Variants in SORL1 observed in about 807,000 individuals in gnomAD.
The protein encoded by SORL1 is sortilin related receptor 1.
SORL1 carries 127 observed loss-of-function variants against 273.7 expected under a neutral mutation model. The observed-to-expected ratio is 0.46, with a 90% CI of 0.40 to 0.54. The LOEUF (loss-of-function observed/expected upper bound fraction) is 0.54. Among genes scored for constraint, SORL1 ranks in the 20% least tolerant of loss-of-function variants. The pLI is 0.00. For synonymous variants in SORL1, 1,031 were observed against 1,067.4 expected, an observed-to-expected ratio of 0.97 and a Z score of 0.66; for missense variants, 2,494 against 2,846.1, an observed-to-expected ratio of 0.88 and a Z score of 2.81.
chr11:121,520,520 G>A (rs1862023787), intron 8 of SORL1, 137 bp from the exon 9 acceptor site: 1 of 558,936 alleles, frequency 1.8e-6, no homozygotes, highest in Non-Finnish European at 3.1e-6. Context: ...GAACTAGATA[G>A]TAATGATAGT....
chr11:121,457,254 G>A (rs1347251181), intron 1 of SORL1, among the ~76,000 whole-genome samples: 7 of 152,116 alleles, frequency 4.6e-5, no homozygotes, highest in Admixed American at 3.9e-4. Context: ...GTAAGGAGGC[G>A]GAATTTGGAG....
At chr11:121,543,335 G>A (rs1862375889) in intron 12 of SORL1, among the ~76,000 whole-genome samples, 1 of 151,242 alleles carries the variant, frequency 6.6e-6, no homozygotes, top group Admixed American at 6.6e-5. Context: ...TCCTAAATTC[G>A]GCCAGTTGGA....
intron 6 of SORL1, among the ~76,000 whole-genome samples, chr11:121,505,343 G>T (rs1861772304): frequency 6.6e-6 from 1 of 150,646 alleles, no homozygotes; most frequent in Non-Finnish European, 1.5e-5. Flanking sequence ...TTTTTTTCTT[G>T]GTAAGTCTAG....
At chr11:121,520,604 A>T (rs1409054815) in intron 8 of SORL1, 53 bp from the exon 9 acceptor site, 14 of 1,268,418 alleles carry the variant, frequency 1.1e-5, no homozygotes, top group Non-Finnish European at 1.5e-5. Context: ...TGTTATTTAC[A>T]ATAACAAGCA....
chr11:121,535,260 A>G (rs1353629639), intron 12 of SORL1, among the ~76,000 whole-genome samples: 1 of 152,218 alleles, frequency 6.6e-6, no homozygotes, highest in Non-Finnish European at 1.5e-5. Context: ...CCCAAGAGAC[A>G]CCAGAGATGA....
In SORL1 at chr11:121,452,886, C is replaced by T; in HGVS notation, c.285+270C>T. The T allele has an allele frequency of 2.6e-6, 1 of 387,396 alleles. No homozygotes were observed. 24.0% of individuals were successfully genotyped at this position (387,396 alleles called of 1,614,324 possible). On this transcript the variant is annotated intron_variant, in intron 1 of 47. Transcript: ENST00000260197. The surrounding 1 kb of genome is among the most constrained non-coding windows in gnomAD (Gnocchi z 5.3). ...GGGTGTGTGCAGAGAGATGTAGTTT[C>T]CGGCAGGTATAGGAGGGGTGCAGCT...
In SORL1 at chr11:121,621,183, C is replaced by T. The variant is rs760941409; in HGVS notation, c.6009C>T (p.His2003=). 1 of 1,614,196 alleles carries T rather than the reference C, an allele frequency of 6.2e-7. No individual in the cohort carries two copies. Reference sequence around the variant, plus strand: ...AGTTGGAGCCTGGCGGGAAATACCACATCATTGTCCAACTGGGGAACATGA... The same window carrying T: ...AGTTGGAGCCTGGCGGGAAATACCATATCATTGTCCAACTGGGGAACATGA... ...LNKLEPGGKY[H]IIVQLGNMSK... is the part of the protein sequence containing the mutation. The change falls in exon 44 of 48, where the codon CAC becomes CAT. Residue 2003 remains histidine, a synonymous_variant. Transcript: ENST00000260197.
At chr11:121,503,103 C>T (rs1861736252) in intron 6 of SORL1, among the ~76,000 whole-genome samples, 1 of 152,070 alleles carries the variant, frequency 6.6e-6, no homozygotes, top group Non-Finnish European at 1.5e-5. Context: ...CTCCTGGGCT[C>T]AAGCAGTCCT....
intron 21 of SORL1, among the ~76,000 whole-genome samples, chr11:121,561,463 T>G (rs1034129336): frequency 6.6e-6 from 1 of 152,114 alleles, no homozygotes; most frequent in African/African-American, 2.4e-5. Context: ...CATCTTCATT[T>G]AAGTTAGCCA....
chr11:121,461,243 G>C (rs1860995526), intron 1 of SORL1, among the ~76,000 whole-genome samples: 1 of 152,070 alleles, frequency 6.6e-6, no homozygotes, highest in African/African-American at 2.4e-5. Context: ...AAGGTGTGCT[G>C]TTGGTGGTGG....
intron 14 of SORL1, among the ~76,000 whole-genome samples, chr11:121,549,194 A>C (rs1221009780): frequency 6.6e-6 from 1 of 151,852 alleles, no homozygotes; most frequent in African/African-American, 2.4e-5. Flanking sequence ...ATGTGGATAT[A>C]CTCTTAAATA....
chr11:121,486,554 A>G (rs955365174), intron 3 of SORL1, among the ~76,000 whole-genome samples: 11 of 146,066 alleles, frequency 7.5e-5, no homozygotes, highest in African/African-American at 2.8e-4. Context: ...CTCTTGGCTC[A>G]CTGCAAGCTC....
At chr11:121,571,818 G>T (rs1862848594) in intron 23 of SORL1, among the ~76,000 whole-genome samples, 1 of 152,184 alleles carries the variant, frequency 6.6e-6, no homozygotes, top group Non-Finnish European at 1.5e-5. Flanking sequence ...CACACCGAGG[G>T]AGTAGAGCTT....
chr11:121,602,229 A>G (rs952141199), intron 32 of SORL1, among the ~76,000 whole-genome samples: 15 of 152,236 alleles, frequency 9.9e-5, no homozygotes, highest in Non-Finnish European at 1.9e-4. Context: ...AGAATTCTGA[A>G]ATGCAATGAT....
At chr11:121,496,840 A>T (rs1483536674) in intron 5 of SORL1, 29 bp from the exon 6 acceptor site, 5 of 1,572,034 alleles carry the variant, frequency 3.2e-6, no homozygotes, top group African/African-American at 2.8e-5. Context: ...TGTGCAAATG[A>T]TAACAACCTT....
chr11:121,607,413 A>G, intron 37 of SORL1, 123 bp downstream of exon 37: 1 of 532,166 alleles, frequency 1.9e-6, no homozygotes, highest in Non-Finnish European at 3.4e-6. Context: ...CAAAATACCC[A>G]ACTTCTTGCC....
At chr11:121,528,535 A>G (rs1862156997) in intron 11 of SORL1, among the ~76,000 whole-genome samples, 2 of 152,198 alleles carry the variant, frequency 1.3e-5, no homozygotes, top group African/African-American at 2.4e-5. Flanking sequence ...TGTACAGTTC[A>G]TATGTTTTTA....
chr11:121,568,764 A>G (rs1047265647), intron 22 of SORL1, among the ~76,000 whole-genome samples: 13 of 152,216 alleles, frequency 8.5e-5, no homozygotes, highest in Admixed American at 2.0e-4. Flanking sequence ...TCACTACCCA[A>G]TAGACTCAAC....
chr11:121,550,475 T>G lies in SORL1; in HGVS notation c.2181-110T>G, dbSNP rs1862490794. 1.1e-6 allele frequency: 1 copy of G among 875,002 alleles called. No homozygotes were observed. The highest frequency in any genetic ancestry group is 1.6e-5 in the African/African-American group (1 of 60,612). 54.2% of individuals were successfully genotyped at this position (875,002 alleles called of 1,614,324 possible). ...TCCTCTTTCTAGTTCTAAAGAGAAA[T>G]GAGTGGATGGACTCTACTGGCCGTG... On this transcript the variant is annotated intron_variant, in intron 15 of 47. Coordinates refer to ENST00000260197, the MANE Select transcript of SORL1 (RefSeq NM_003105.6). This position sits in a 1 kb window ranked among gnomAD's most constrained non-coding sequence, Gnocchi z 5.3.
Sources: allele counts gnomAD v4.1 joint callset (sites outside exome capture counted in the v4.1 genomes callset), GRCh38; gene constraint gnomAD v4.1.1; non-coding constraint Gnocchi (gnomAD v3.1); transcripts MANE v1.5; gene names NCBI Gene and HGNC (gene_info 2026-07-23, HGNC 2026-07-21).